SLC3A1: variants seen among roughly 807,000 people sequenced by gnomAD.
The protein encoded by SLC3A1 is solute carrier family 3 member 1, also known as amino acid transporter heavy chain SLC3A1.
SLC3A1 carries 78 observed loss-of-function variants against 60.3 expected under a neutral mutation model. That is an observed-to-expected ratio of 1.29 (90% CI 1.08 to 1.56). The LOEUF (loss-of-function observed/expected upper bound fraction) is 1.56. Ranked by LOEUF, SLC3A1 falls within the 40% of genes most tolerant of loss-of-function variation. The probability of loss-of-function intolerance (pLI) is 0.00; values close to 1 mark genes in which losing one functional copy is unlikely to be tolerated. For missense variants in SLC3A1, 1,172 were observed against 858.9 expected, an observed-to-expected ratio of 1.36 and a Z score of -4.56; for synonymous variants, 392 against 307.9, an observed-to-expected ratio of 1.27 and a Z score of -2.86.
At position 44,281,438 on chromosome 2, in the gene SLC3A1, T is replaced by C. The variant is rs1460655318; in HGVS notation, c.662T>C (p.Ile221Thr). 6.2e-7 allele frequency: 1 copy of C among 1,613,606 alleles called. No individual in the cohort carries two copies. Among genetic ancestry groups the C allele is most frequent in the Non-Finnish European group, 8.5e-7 (1 of 1,179,504 alleles). The stretch of plus-strand genomic sequence containing the variant: ...CCAAACCACACGAGTGATAAACATA[T>C]TTGGTTTCAATTGAGTCGGACACGG... The part of the protein sequence containing the change: ...FIPNHTSDKH[I>T]WFQLSRTRTG... The change falls in exon 3 of 10, where the codon ATT becomes ACT. Residue 221 changes from isoleucine (I) to threonine (T), a missense_variant. Physicochemically the swap from Ile to Thr is moderately conservative, Grantham distance 89. Transcript: ENST00000260649.
At chr2:44,276,970 G>A (rs1671357367) in intron 1 of SLC3A1, among the ~76,000 whole-genome samples, 3 of 152,124 alleles carry the variant, frequency 2.0e-5, no homozygotes, top group African/African-American at 4.8e-5. Flanking sequence ...AAAACAGGAT[G>A]ATATGAATGT....
At position 44,320,929 on chromosome 2, in the gene SLC3A1, G is replaced by A. The variant is rs1008171195; in HGVS notation, c.*290G>A. 12 of 434,596 alleles carry A rather than the reference G, an allele frequency of 2.8e-5. No homozygotes were observed. Among genetic ancestry groups the A allele is most frequent in the Non-Finnish European group, 4.6e-5 (11 of 239,982 alleles). 26.9% of individuals were successfully genotyped at this position (434,596 alleles called of 1,614,324 possible). On this transcript the variant is annotated 3_prime_UTR_variant, in exon 10 of 10. Coordinates refer to ENST00000260649, the MANE Select transcript of SLC3A1 (RefSeq NM_000341.4). ...TTCAAAAACTTTAACGAATTTTAAG[G>A]GGAAGAATTTTATCTTTTCCCTTAA...
intron 7 of SLC3A1, among the ~76,000 whole-genome samples, chr2:44,306,599 G>A (rs374769974): frequency 1.6e-4 from 23 of 144,120 alleles, no homozygotes; most frequent in African/African-American, 5.9e-4. Context: ...CGTTACCCAG[G>A]CTGGGGTGCA....
intron 4 of SLC3A1, among the ~76,000 whole-genome samples, chr2:44,293,306 C>T (rs1433404215): frequency 1.3e-5 from 2 of 152,054 alleles, no homozygotes; most frequent in Non-Finnish European, 2.9e-5. Flanking sequence ...ATCACATGGT[C>T]AGGAGTTCAA....
chr2:44,296,733 T>C (rs1259149857), intron 4 of SLC3A1, among the ~76,000 whole-genome samples: 1 of 152,334 alleles, frequency 6.6e-6, no homozygotes, highest in East Asian at 1.9e-4. Flanking sequence ...CAAGTTGATA[T>C]GGTTTGGCTG....
rs766661017 is a variant in SLC3A1 at position 44,312,749 on chromosome 2, A to G, written c.1496A>G (p.Asp499Gly). ...IVAANLNESYDINTLRSKSPM... is the reference protein window; with the variant it reads ...IVAANLNESYGINTLRSKSPM... ...GCCGCAAATCTCAATGAAAGCTATG[A>G]TATTGTAAGTTGAATACAACTTGAC... The change falls in exon 8 of 10, where the codon GAT (aspartate) becomes GGT (glycine). Residue 499 changes from aspartate (D) to glycine (G), a missense_variant. Coordinates refer to ENST00000260649, the MANE Select transcript of SLC3A1 (RefSeq NM_000341.4). 7 of 1,612,592 alleles carry G rather than the reference A, an allele frequency of 4.3e-6. 1 individual carries two copies. The Admixed American group carries it at 1.2e-4, about 27-fold the overall frequency.
intron 7 of SLC3A1, among the ~76,000 whole-genome samples, chr2:44,309,601 CTTTTG>C (rs768492833): frequency 5.9e-5 from 9 of 152,008 alleles, no homozygotes; most frequent in East Asian, 1.9e-4. Flanking sequence ...CATAATACTT[CTTTTG>C]TTTTGTTTTT....
chr2:44,312,812 A>AT (rs1672332731), intron 8 of SLC3A1, 59 bp downstream of exon 8: 1 of 1,462,160 alleles, frequency 6.8e-7, no homozygotes, highest in Admixed American at 1.8e-5. Flanking sequence ...TTCATTTTTT[A>AT]TTTTTTGCCA....
intron 9 of SLC3A1, chr2:44,314,495 A>G (rs2104386305): frequency 6.0e-6 from 1 of 165,408 alleles, no homozygotes; most frequent in Non-Finnish European, 1.3e-5. Flanking sequence ...GTCATTCACT[A>G]GTGAAAACTT....
intron 4 of SLC3A1, among the ~76,000 whole-genome samples, chr2:44,295,664 T>G (rs1671831685): frequency 6.6e-6 from 1 of 152,226 alleles, no homozygotes; most frequent in South Asian, 2.1e-4. Context: ...AAACCTTCTG[T>G]GCGGTACAAG....
At position 44,301,101 on chromosome 2, in the gene SLC3A1, A is replaced by G. The variant is rs749158264; in HGVS notation, c.1110A>G (p.Gln370=). ...GCAGCTTCCGGCAGACCATGGACCA[A>G]TACAGCACGGAGCCCGGCAGATACA... ...IVRSFRQTMD[Q]YSTEPGRYRF... Residue 370 remains glutamine, a synonymous_variant, in exon 6 of 10, where the codon CAA becomes CAG. Transcript: ENST00000260649. The G allele has an allele frequency of 1.3e-5, 21 of 1,613,604 alleles. No homozygotes were observed. In the South Asian group the frequency reaches 2.2e-4, roughly 17 times the overall value.
At chr2:44,298,368 CT>C (rs777770527) in intron 4 of SLC3A1, among the ~76,000 whole-genome samples, 2 of 150,336 alleles carry the variant, frequency 1.3e-5, no homozygotes, top group African/African-American at 2.5e-5. Context: ...GGCCACCCCC[CT>C]ATCCCTGCCA....
chr2:44,314,107 AAATCATGCC>A, intron 9 of SLC3A1, 156 bp downstream of exon 9: 2 of 1,516,616 alleles, frequency 1.3e-6, no homozygotes, highest in Non-Finnish European at 1.8e-6. Flanking sequence ...AGGAGTTTGT[AAATCATGCC>A]TTTGTGAAAA....
chr2:44,297,023 C>T (rs1287313339), intron 4 of SLC3A1, among the ~76,000 whole-genome samples: 2 of 152,186 alleles, frequency 1.3e-5, no homozygotes, highest in African/African-American at 2.4e-5. Flanking sequence ...TTACAAATTA[C>T]CCAGTCTTAG....
intron 6 of SLC3A1, 32 bp from the exon 7 acceptor site, chr2:44,304,111 C>T: frequency 6.3e-7 from 1 of 1,584,802 alleles, no homozygotes. Context: ...CTGACAGGCC[C>T]CGATGACACT....
chr2:44,299,885 C>T, intron 4 of SLC3A1, 86 bp from the exon 5 acceptor site: 1 of 1,366,292 alleles, frequency 7.3e-7, no homozygotes, highest in South Asian at 1.2e-5. Flanking sequence ...TTTATGATGC[C>T]AAGTTGTTAA....
chr2:44,308,936 G>A (rs1000702200), intron 7 of SLC3A1, among the ~76,000 whole-genome samples: 1 of 152,072 alleles, frequency 6.6e-6, no homozygotes, highest in Non-Finnish European at 1.5e-5. Context: ...GTTTCACCGT[G>A]TTAGCCAAGA....
At chr2:44,292,817 G>A (rs1671768911) in intron 4 of SLC3A1, among the ~76,000 whole-genome samples, 1 of 152,180 alleles carries the variant, frequency 6.6e-6, no homozygotes, top group South Asian at 2.1e-4. Flanking sequence ...CACTGGGGGT[G>A]AGGTCAGGAG....
At chr2:44,293,896 C>T (rs946243798) in intron 4 of SLC3A1, among the ~76,000 whole-genome samples, 2 of 152,130 alleles carry the variant, frequency 1.3e-5, no homozygotes, top group African/African-American at 2.4e-5. Context: ...AATAATGGTA[C>T]GTACCTAATG....
Sources: gnomAD v4.1 joint callset for allele counts (sites outside exome capture counted in the v4.1 genomes callset) on GRCh38, gnomAD v4.1.1 for gene constraint, MANE v1.5 for transcripts, NCBI Gene and HGNC (gene_info 2026-07-23, HGNC 2026-07-21) for gene names.